The following INTS2 variants were observed in gnomAD, a reference collection of about 807,000 sequenced individuals.
The protein encoded by INTS2 is KIAA1287.
Under a neutral mutation model 139.6 loss-of-function variants are expected in INTS2, and 57 were observed. The observed-to-expected ratio is 0.41, with a 90% CI of 0.33 to 0.51. The LOEUF (loss-of-function observed/expected upper bound fraction) is 0.51, where lower values mean the gene tolerates loss of function less well. Among genes scored for constraint, INTS2 ranks in the 20% least tolerant of loss-of-function variants. INTS2 has a pLI of 0.28. For synonymous variants in INTS2, 473 were observed against 493.4 expected, an observed-to-expected ratio of 0.96 and a Z score of 0.55; for missense variants, 1,196 against 1,436.7, an observed-to-expected ratio of 0.83 and a Z score of 2.71.
chr17:61,927,506 T>C (rs1405806244), intron 1 of INTS2, 148 bp downstream of exon 1: 2 of 286,982 alleles, frequency 7.0e-6, no homozygotes, highest in Non-Finnish European at 1.1e-5. Context: ...GCGGGCTGAC[T>C]GGAGCAGAGG....
At chr17:61,900,697 C>A (rs1283545696) in intron 9 of INTS2, among the ~76,000 whole-genome samples, 1 of 152,184 alleles carries the variant, frequency 6.6e-6, no homozygotes, top group Non-Finnish European at 1.5e-5. Flanking sequence ...GTGGCTCACA[C>A]CTGTAATCCC....
At chr17:61,880,657 T>A (rs1051479319) in intron 17 of INTS2, among the ~76,000 whole-genome samples, 3 of 151,322 alleles carry the variant, frequency 2.0e-5, no homozygotes, top group Non-Finnish European at 4.4e-5. Context: ...GGGACTCAGG[T>A]AGGAGGACTG....
intron 3 of INTS2, among the ~76,000 whole-genome samples, chr17:61,923,252 C>T (rs928587264): frequency 6.6e-5 from 10 of 150,892 alleles, no homozygotes; most frequent in South Asian, 2.1e-4. Flanking sequence ...CCAAGGAGGG[C>T]GGATCACGAG....
Position 61,878,044 on chromosome 17 carries a change from T to C in INTS2, c.2299A>G (p.Ile767Val). Reference sequence around the variant, plus strand: ...GCAGAGAGTAGAGTCAAGTGTTCTATAATCTGCATCACTTGTGTGTTATTT... The same window carrying C: ...GCAGAGAGTAGAGTCAAGTGTTCTACAATCTGCATCACTTGTGTGTTATTT... ...PVNNTQVMQI[I>V]EHLTLLSASE... Residue 767 changes from isoleucine to valine, a missense_variant, in exon 18 of 25, where the codon ATA becomes GTA. Ile to Val is a conservative substitution (Grantham distance 29, BLOSUM62 3). Coordinates refer to ENST00000251334, the MANE Select transcript of INTS2 (RefSeq NM_001351695.2). 2 of 1,612,932 alleles carry C rather than the reference T, an allele frequency of 1.2e-6. No homozygotes were observed. Among genetic ancestry groups the C allele is most frequent in the South Asian group, 1.1e-5 (1 of 91,068 alleles).
chr17:61,909,652 T>C lies in INTS2; in HGVS notation c.954+1868A>G, dbSNP rs2079502642. Among the ~76,000 whole-genome samples, 1 of 152,074 alleles carries C rather than the reference T, an allele frequency of 6.6e-6. No individual in the cohort carries two copies. Among genetic ancestry groups the C allele is most frequent in the Non-Finnish European group, 1.5e-5 (1 of 68,006 alleles). On this transcript the variant is annotated intron_variant, in intron 7 of 24. Transcript: ENST00000251334. The surrounding 1 kb of genome is among the most constrained non-coding windows in gnomAD (Gnocchi z 4.9). ...ATTAGCACCCACTCATAATTGAGAA[T>C]ATGCAATATTTGACTTTGTTTATGC...
chr17:61,883,747 C>T (rs1171290994), intron 16 of INTS2, among the ~76,000 whole-genome samples: 7 of 147,254 alleles, frequency 4.8e-5, no homozygotes, highest in African/African-American at 1.2e-4. Context: ...AGCGAAACTC[C>T]GTCTCAAAAA....
chr17:61,926,910 T>C (rs1312236505), intron 1 of INTS2, among the ~76,000 whole-genome samples: 1 of 152,146 alleles, frequency 6.6e-6, no homozygotes, highest in African/African-American at 2.4e-5. Context: ...ATACTCATAT[T>C]TTACAAAGAA....
Position 61,927,750 on chromosome 17 carries a change from C to T in INTS2, c.-115G>A. The T allele has an allele frequency of 6.6e-7, 1 of 1,522,186 alleles. No homozygotes were observed. 94.3% of individuals were successfully genotyped at this position (1,522,186 alleles called of 1,614,324 possible). ...ATCGAGAGCGCGGTCCGATGTTGGG[C>T]CTAGGCGATATCCGGAACCCCAAAC... On this transcript the variant is annotated 5_prime_UTR_variant, in exon 1 of 25. Transcript: ENST00000251334.
rs751920004 is a variant in INTS2, at chr17:61,884,890, AT to A, written c.2089+10del. ...ATAAACTTTAGCAGTAAAAAGCAAAATAAAACATACCTCCCAACTCCTGCTG... is the reference window on the plus strand; with the variant it reads ...ATAAACTTTAGCAGTAAAAAGCAAAAAAAACATACCTCCCAACTCCTGCTG... On this transcript the variant is annotated intron_variant, in intron 16 of 24. Coordinates refer to ENST00000251334, the MANE Select transcript of INTS2 (RefSeq NM_001351695.2). 2 of 1,562,716 alleles carry A rather than the reference AT, an allele frequency of 1.3e-6. No individual in the cohort carries two copies. The highest frequency in any genetic ancestry group is 2.7e-5 in the African/African-American group (2 of 73,738).
chr17:61,897,789 A>C lies in INTS2; in HGVS notation c.1308-50T>G, dbSNP rs1349627031. On this transcript the variant is annotated intron_variant, in intron 9 of 24. Coordinates refer to ENST00000251334, the MANE Select transcript of INTS2 (RefSeq NM_001351695.2). This position sits in a 1 kb window ranked among gnomAD's most constrained non-coding sequence, Gnocchi z 4.4. ...ACTGGTTTAAATTAGATATACTAGC[A>C]TATGAATAAAAAGCATTCTGAAGTT... The C allele has an allele frequency of 8.3e-7, 1 of 1,209,214 alleles. No individual in the cohort carries two copies. Among genetic ancestry groups the C allele is most frequent in the Admixed American group, 2.2e-5 (1 of 45,144 alleles). The allele number at this position is 1,209,214 out of a possible 1,614,324, so 74.9% of individuals were successfully genotyped here.
intron 9 of INTS2, among the ~76,000 whole-genome samples, chr17:61,901,577 CTTTTTTTTTTTTTTTTT>C (rs55751869): frequency 2.5e-3 from 124 of 49,450 alleles, no homozygotes; most frequent in Middle Eastern, 0.013. Context: ...AGAATGATTT[CTTTTTTTTTTTTTTTTT>C]TTTTTTTTTT....
At position 61,919,284 on chromosome 17, in the gene INTS2, T is replaced by C; in HGVS notation, c.649+116A>G. 4.9e-6 allele frequency: 3 copies of C among 606,150 alleles called. No individual in the cohort carries two copies. In the South Asian group the frequency reaches 5.9e-5, roughly 12 times the overall value. The allele number at this position is 606,150 out of a possible 1,614,324, so 37.5% of individuals were successfully genotyped here. A position where few individuals can be genotyped will look rare whatever the true frequency, so the allele number is the denominator to read the frequency against. ...TTTCTTTATACATACTAACAAACTTTCAAAAGATAAAATCTCAAATAAAAT... is the reference window on the plus strand; with the variant it reads ...TTTCTTTATACATACTAACAAACTTCCAAAAGATAAAATCTCAAATAAAAT... On this transcript the variant is annotated intron_variant, in intron 5 of 24. Coordinates refer to ENST00000251334, the MANE Select transcript of INTS2 (RefSeq NM_001351695.2).
chr17:61,884,775 AAG>A lies in INTS2; in HGVS notation c.2089+124_2089+125del. On this transcript the variant is annotated intron_variant, in intron 16 of 24. Coordinates refer to ENST00000251334, the MANE Select transcript of INTS2 (RefSeq NM_001351695.2). ...AATAATAGATTTAGTGAGGGAGGCA[AAG>A]AGGAATTTCACTCTTGAACTGTTTG... The A allele has an allele frequency of 1.8e-5, 12 of 670,882 alleles. No homozygotes were observed. In the South Asian group the frequency reaches 2.2e-4, roughly 12 times the overall value. The allele number at this position is 670,882 out of a possible 1,614,324, so 41.6% of individuals were successfully genotyped here.
At chr17:61,927,266 G>A (rs2079725814) in intron 1 of INTS2, 1 of 162,124 alleles carries the variant, frequency 6.2e-6, no homozygotes, top group Non-Finnish European at 1.4e-5. Flanking sequence ...TGTCCCCTGT[G>A]TTACCGGGTA....
Position 61,873,675 on chromosome 17 carries a change from A to G in INTS2, c.2583-1215T>C, listed in dbSNP as rs1290411305. Among the ~76,000 whole-genome samples the G allele has an allele frequency of 6.6e-6, 1 of 152,144 alleles. No individual in the cohort carries two copies. Among genetic ancestry groups the G allele is most frequent in the African/African-American group, 2.4e-5 (1 of 41,440 alleles). ...GATTCCTATTTCCTATGAGATCTTA[A>G]TCTTACCAAACCATATTTAGCTAAT... On this transcript the variant is annotated intron_variant, in intron 19 of 24. Coordinates refer to ENST00000251334, the MANE Select transcript of INTS2 (RefSeq NM_001351695.2). The surrounding 1 kb of genome is among the most constrained non-coding windows in gnomAD (Gnocchi z 4.0).
At chr17:61,901,565 G>A (rs1245693219) in intron 9 of INTS2, among the ~76,000 whole-genome samples, 1 of 126,706 alleles carries the variant, frequency 7.9e-6, no homozygotes, top group Non-Finnish European at 1.6e-5. Flanking sequence ...ATCCTAAAAG[G>A]CAGAATGATT....
chr17:61,925,404 C>A (rs2079699870), intron 2 of INTS2, among the ~76,000 whole-genome samples: 1 of 151,536 alleles, frequency 6.6e-6, no homozygotes, highest in African/African-American at 2.4e-5. Context: ...TATGGTGAAA[C>A]CTCGTCTCTA....
chr17:61,892,069 CAG>C (rs1192837209), intron 13 of INTS2, among the ~76,000 whole-genome samples: 1 of 152,026 alleles, frequency 6.6e-6, no homozygotes, highest in Non-Finnish European at 1.5e-5. Flanking sequence ...AGCAAACCCT[CAG>C]ATAGACTAAG....
chr17:61,871,663 G>A lies in INTS2; in HGVS notation c.2778+602C>T, dbSNP rs1473045551. Among the ~76,000 whole-genome samples the A allele has an allele frequency of 2.6e-5, 4 of 152,086 alleles. No homozygotes were observed. Among genetic ancestry groups the A allele is most frequent in the East Asian group, 1.9e-4 (1 of 5,180 alleles). ...TATTGGTTGAATGAGGCCGGGTGCCGTGGCTCATGCCTGTAATCCCAGCAC... is the reference window on the plus strand; with the variant it reads ...TATTGGTTGAATGAGGCCGGGTGCCATGGCTCATGCCTGTAATCCCAGCAC... On this transcript the variant is annotated intron_variant, in intron 20 of 24. Coordinates refer to ENST00000251334, the MANE Select transcript of INTS2 (RefSeq NM_001351695.2). This position sits in a 1 kb window ranked among gnomAD's most constrained non-coding sequence, Gnocchi z 4.9.
Sources: gnomAD v4.1 joint callset for allele counts (sites outside exome capture counted in the v4.1 genomes callset) on GRCh38, gnomAD v4.1.1 for gene constraint, Gnocchi (gnomAD v3.1) non-coding constraint, MANE v1.5 for transcripts, NCBI Gene and HGNC (gene_info 2026-07-23, HGNC 2026-07-21) for gene names.